Variants in INSC observed in about 807,000 individuals in gnomAD.
The protein encoded by INSC is protein inscuteable homolog.
INSC carries 67 observed loss-of-function variants against 58.6 expected under a neutral mutation model. The observed-to-expected ratio is 1.14, with a 90% confidence interval of 0.94 to 1.40. The LOEUF (loss-of-function observed/expected upper bound fraction) is 1.40, where lower values mean the gene tolerates loss of function less well. Among genes scored for constraint, INSC ranks in the 40% most tolerant of loss-of-function variants. INSC has a pLI of 0.00. For missense variants in INSC, 714 were observed against 692.0 expected (o/e 1.03, Z -0.36); for synonymous variants, 262 against 276.1 (o/e 0.95, Z 0.51).
chr11:15,263,300 A>G, the INSC span, among the ~76,000 whole-genome samples: 1 of 152,144 alleles, frequency 6.6e-6, no homozygotes. Context: ...ATATCTGAAG[A>G]TGTAAGGGCT....
chr11:15,131,245 G>T (rs951604404), intron 1 of INSC, among the ~76,000 whole-genome samples: 1 of 151,380 alleles, frequency 6.6e-6, no homozygotes, highest in Non-Finnish European at 1.5e-5. Flanking sequence ...CATCATTCAG[G>T]TTTATTTTCT....
At chr11:15,200,725 C>T (rs1398210325) in intron 6 of INSC, 99 bp from the exon 7 acceptor site, 8 of 1,553,090 alleles carry the variant, frequency 5.2e-6, no homozygotes, top group African/African-American at 4.1e-5. Flanking sequence ...AGGGAGGACC[C>T]GAAAGCATAT....
At chr11:15,262,724 G>C in the INSC span, among the ~76,000 whole-genome samples, 1 of 150,938 alleles carries the variant, frequency 6.6e-6, no homozygotes, top group Non-Finnish European at 1.5e-5. Flanking sequence ...TGATTAAAGT[G>C]GTTCTTTAAT....
At chr11:15,134,234 T>G (rs1354713742) in intron 1 of INSC, among the ~76,000 whole-genome samples, 1 of 152,210 alleles carries the variant, frequency 6.6e-6, no homozygotes, top group Non-Finnish European at 1.5e-5. Context: ...ATGCTATATA[T>G]TGTAAGATCC....
chr11:15,256,070 A>G, the INSC span, among the ~76,000 whole-genome samples: 1 of 152,196 alleles, frequency 6.6e-6, no homozygotes, highest in East Asian at 1.9e-4. Context: ...CATGATGATC[A>G]TGCATGACAG....
At chr11:15,251,587 A>G (rs1852650014), downstream of INSC, among the ~76,000 whole-genome samples, 1 of 152,204 alleles carries the variant, frequency 6.6e-6, no homozygotes, top group Admixed American at 6.5e-5. Flanking sequence ...TAGCTGGACA[A>G]AGGATTTGAA....
chr11:15,251,874 C>T (rs1852654151), downstream of INSC, among the ~76,000 whole-genome samples: 1 of 152,114 alleles, frequency 6.6e-6, no homozygotes, highest in South Asian at 2.1e-4. Flanking sequence ...AGCAATTCCA[C>T]TCATGGTATA....
the INSC span, among the ~76,000 whole-genome samples, chr11:15,266,157 T>C: frequency 6.6e-6 from 1 of 152,122 alleles, no homozygotes; most frequent in African/African-American, 2.4e-5. Flanking sequence ...GAGTTAGTTT[T>C]ATTTTTAGGG....
chr11:15,154,043 A>G (rs1253291445), intron 2 of INSC, among the ~76,000 whole-genome samples: 1 of 149,630 alleles, frequency 6.7e-6, no homozygotes, highest in Admixed American at 6.8e-5. Context: ...TTTACTTTGG[A>G]CCAAGAACTT....
chr11:15,126,207 G>A (rs1197969667), intron 1 of INSC, among the ~76,000 whole-genome samples: 2 of 152,212 alleles, frequency 1.3e-5, no homozygotes, highest in African/African-American at 2.4e-5. Flanking sequence ...TGGGGACTCA[G>A]AGAGCAAGAA....
rs199774919 is a variant in INSC, at chr11:15,228,829, TC to T, written c.1170+3003del. Among the ~76,000 whole-genome samples, 839 of 152,250 alleles carry T rather than the reference TC, an allele frequency of 5.5e-3. 5 individuals carry two copies. The highest frequency in any genetic ancestry group is 0.019 in the African/African-American group (793 of 41,546). ...ACAGAAGCCTCGTTGGGTATGCCTATCCTGTCGCCACCCTTGGGGTATGGAC... is the reference window on the plus strand; with the variant it reads ...ACAGAAGCCTCGTTGGGTATGCCTATCTGTCGCCACCCTTGGGGTATGGAC... On this transcript the variant is annotated intron_variant, in intron 9 of 12. Transcript: ENST00000379556.
intron 9 of INSC, among the ~76,000 whole-genome samples, chr11:15,232,259 C>T (rs557016512): frequency 2.8e-4 from 42 of 152,262 alleles, no homozygotes; most frequent in African/African-American, 3.4e-4. Context: ...CTCAGCCCCC[C>T]GAGTGCTGCA....
chr11:15,164,081 TTATAA>T (rs1399947409), intron 2 of INSC, among the ~76,000 whole-genome samples: 2 of 152,190 alleles, frequency 1.3e-5, no homozygotes, highest in Non-Finnish European at 2.9e-5. Context: ...TTCCTGTTTT[TTATAA>T]TTTCCTTAAA....
intron 7 of INSC, among the ~76,000 whole-genome samples, chr11:15,216,505 C>CA (rs1361319428): frequency 6.6e-6 from 1 of 152,180 alleles, no homozygotes; most frequent in African/African-American, 2.4e-5. Flanking sequence ...CCCAGGTCAG[C>CA]ACCTATCACA....
chr11:15,162,444 T>G (rs1313784878), intron 2 of INSC, among the ~76,000 whole-genome samples: 1 of 152,254 alleles, frequency 6.6e-6, no homozygotes, highest in Non-Finnish European at 1.5e-5. Flanking sequence ...CAATGAGCCC[T>G]GCTCTGACCA....
rs1291827786 is a variant in INSC at position 15,225,505 on chromosome 11, C to G, written c.992-145C>G. On this transcript the variant is annotated intron_variant, in intron 8 of 12. Coordinates refer to ENST00000379556, the MANE Select transcript of INSC (RefSeq NM_001042536.3). ...CCTGGGTAGACAGATACTGTTGCCTCTCTAGTAGCCACTTTCCTCATCTGT... is the reference window on the plus strand; with the variant it reads ...CCTGGGTAGACAGATACTGTTGCCTGTCTAGTAGCCACTTTCCTCATCTGT... The G allele has an allele frequency of 1.4e-5, 11 of 783,308 alleles. 1 individual carries two copies. Among genetic ancestry groups the G allele is most frequent in the Non-Finnish European group, 2.0e-5 (10 of 506,166 alleles). The allele number at this position is 783,308 out of a possible 1,614,324, so 48.5% of individuals were successfully genotyped here.
chr11:15,121,216 A>C (rs143438021), intron 1 of INSC, among the ~76,000 whole-genome samples: 1 of 152,090 alleles, frequency 6.6e-6, no homozygotes, highest in African/African-American at 2.4e-5. Flanking sequence ...TGGCTCCCCA[A>C]TCTCCCTCAC....
At chr11:15,123,516 G>C (rs1032304393) in intron 1 of INSC, among the ~76,000 whole-genome samples, 2 of 152,180 alleles carry the variant, frequency 1.3e-5, no homozygotes, top group Non-Finnish European at 2.9e-5. Flanking sequence ...GATTTGAGGA[G>C]GAAAATGATC....
chr11:15,220,113 C>G (rs1457075937), intron 7 of INSC, among the ~76,000 whole-genome samples: 1 of 152,192 alleles, frequency 6.6e-6, no homozygotes, highest in Non-Finnish European at 1.5e-5. Context: ...CTCCCAAGAG[C>G]CATTTAAGGG....
Sources: gnomAD v4.1 joint callset for allele counts (sites outside exome capture counted in the v4.1 genomes callset) on GRCh38, gnomAD v4.1.1 for gene constraint, MANE v1.5 for transcripts, NCBI Gene and HGNC (gene_info 2026-07-23, HGNC 2026-07-21) for gene names.